UGT3A1: variants seen among roughly 807,000 people sequenced by gnomAD.
UGT3A1 encodes the protein UDP glycosyltransferase family 3 member A1.
UGT3A1 carries 40 observed loss-of-function variants against 37.6 expected under a neutral mutation model. The observed-to-expected ratio is 1.06, with a 90% CI of 0.83 to 1.38. UGT3A1 has a LOEUF of 1.38. Among genes scored for constraint, UGT3A1 ranks in the 40% most tolerant of loss-of-function variants. The pLI, the probability that UGT3A1 is intolerant of heterozygous loss-of-function variation, is 0.00. For synonymous variants in UGT3A1, 256 were observed against 232.3 expected (o/e 1.10, Z -0.93); for missense variants, 642 against 634.2 (o/e 1.01, Z -0.13).
rs970237890 is a variant in UGT3A1, at chr5:35,951,078, G to A, written c.*3124C>T. ...TATAGTAAAAGTACTGTGTTTAAAA[G>A]GTAATGATGCTAATTTTTTTCACTA... On this transcript the variant is annotated 3_prime_UTR_variant, in exon 7 of 7. Transcript: ENST00000274278. 8.6e-5 allele frequency: 13 copies of A among 151,710 alleles called. No homozygotes were observed. Among genetic ancestry groups the A allele is most frequent in the African/African-American group, 3.1e-4 (13 of 41,336 alleles). The allele number at this position is 151,710 out of a possible 1,614,324, so 9.4% of individuals were successfully genotyped here. A position where few individuals can be genotyped will look rare whatever the true frequency, so the allele number is the denominator to read the frequency against.
Position 35,954,479 on chromosome 5 carries a change from C to T in UGT3A1, c.1296-1G>A. The T allele has an allele frequency of 6.2e-7, 1 of 1,613,382 alleles. No homozygotes were observed. Among genetic ancestry groups the T allele is most frequent in the Non-Finnish European group, 8.5e-7 (1 of 1,179,402 alleles). Reference sequence around the variant, plus strand: ...GGCTGCCACCACTGCCGACTTGTACCTGTTGGCGGAGACAGAGAGGGTGTG... The same window carrying T: ...GGCTGCCACCACTGCCGACTTGTACTTGTTGGCGGAGACAGAGAGGGTGTG... On this transcript the variant is annotated splice_acceptor_variant, in intron 6 of 6. Transcript: ENST00000274278. LOFTEE classifies it high-confidence loss of function.
intron 2 of UGT3A1, among the ~76,000 whole-genome samples, chr5:35,977,823 C>T (rs999569592): frequency 3.9e-5 from 6 of 152,112 alleles, no homozygotes; most frequent in African/African-American, 1.4e-4. Flanking sequence ...ATCCCATTTA[C>T]GTAAAATTTA....
At chr5:35,974,351 A>C (rs1031333527) in intron 2 of UGT3A1, among the ~76,000 whole-genome samples, 1 of 152,222 alleles carries the variant, frequency 6.6e-6, no homozygotes, top group Non-Finnish European at 1.5e-5. Flanking sequence ...TATTGGCAGA[A>C]TAATCATGCT....
intron 4 of UGT3A1, chr5:35,961,163 C>G (rs567309921): frequency 6.6e-6 from 1 of 152,282 alleles, no homozygotes; most frequent in South Asian, 2.1e-4. Context: ...ATTTCTCTGT[C>G]TCCTAGCCGT....
At chr5:35,985,799 A>G (rs946604965) in intron 2 of UGT3A1, among the ~76,000 whole-genome samples, 2 of 152,224 alleles carry the variant, frequency 1.3e-5, no homozygotes, top group Non-Finnish European at 2.9e-5. Context: ...TGGTCTCAGC[A>G]AAGACTTTTT....
Position 35,953,983 on chromosome 5 carries a change from T to C in UGT3A1, c.*219A>G. On this transcript the variant is annotated 3_prime_UTR_variant, in exon 7 of 7. Coordinates refer to ENST00000274278, the MANE Select transcript of UGT3A1 (RefSeq NM_152404.4). ...AGGAGGCAGGGCTGGCAGGTGAAAATTTGTATCTGAGCTGGGGTTTCAAGT... is the reference window on the plus strand; with the variant it reads ...AGGAGGCAGGGCTGGCAGGTGAAAACTTGTATCTGAGCTGGGGTTTCAAGT... 1 of 523,438 alleles carries C rather than the reference T, an allele frequency of 1.9e-6. No homozygotes were observed. The highest frequency in any genetic ancestry group is 3.4e-6 in the Non-Finnish European group (1 of 297,896). The allele number at this position is 523,438 out of a possible 1,614,324, so 32.4% of individuals were successfully genotyped here.
chr5:35,959,949 C>A (rs531324092), intron 4 of UGT3A1, among the ~76,000 whole-genome samples: 130 of 152,150 alleles, frequency 8.5e-4, no homozygotes, highest in African/African-American at 3.0e-3. Flanking sequence ...ACAATTTCAA[C>A]AATAATATCA....
chr5:35,988,310 C>T (rs930757293), intron 2 of UGT3A1, 140 bp downstream of exon 2: 21 of 577,094 alleles, frequency 3.6e-5, no homozygotes, highest in Non-Finnish European at 5.1e-5. Flanking sequence ...TTAACATGAA[C>T]ACACATCCAC....
At chr5:35,971,232 A>G (rs1740022483) in intron 2 of UGT3A1, among the ~76,000 whole-genome samples, 1 of 152,238 alleles carries the variant, frequency 6.6e-6, no homozygotes, top group African/African-American at 2.4e-5. Flanking sequence ...CAAGACATAC[A>G]CAGGGTGCGC....
upstream of UGT3A1, among the ~76,000 whole-genome samples, chr5:35,992,407 G>C (rs1010742997): frequency 6.6e-6 from 1 of 152,002 alleles, no homozygotes; most frequent in Non-Finnish European, 1.5e-5. Context: ...AGGGAGAAGG[G>C]GAAAGAGAAG....
At chr5:35,983,105 C>T (rs1349323701) in intron 2 of UGT3A1, among the ~76,000 whole-genome samples, 5 of 151,840 alleles carry the variant, frequency 3.3e-5, no homozygotes, top group South Asian at 2.1e-4. Context: ...TCATAAATTA[C>T]GCAGTCTCAG....
chr5:35,988,695 C>T, intron 1 of UGT3A1, 144 bp from the exon 2 acceptor site: 1 of 622,212 alleles, frequency 1.6e-6, no homozygotes, highest in Non-Finnish European at 2.8e-6. Context: ...GAGATAAGCG[C>T]TTCCTGTTCC....
At chr5:35,994,963 C>T (rs12522806), upstream of UGT3A1, among the ~76,000 whole-genome samples, 1 of 152,032 alleles carries the variant, frequency 6.6e-6, no homozygotes, top group Admixed American at 6.6e-5. Context: ...TTTGATATGC[C>T]CAAATTAGTG....
rs555359957 is a variant in UGT3A1, at chr5:35,972,546, T to C, written c.197-4413A>G. Among the ~76,000 whole-genome samples the C allele has an allele frequency of 4.0e-5, 6 of 150,080 alleles. No individual in the cohort carries two copies. The South Asian group carries it at 1.3e-3, about 32-fold the overall frequency. On this transcript the variant is annotated intron_variant, in intron 2 of 6. Coordinates refer to ENST00000274278, the MANE Select transcript of UGT3A1 (RefSeq NM_152404.4). ...GTGTGTGTGTGTGTCCAATTGGTACTGTTTTTCTGATTTCCTAGGATTCTG... is the reference window on the plus strand; with the variant it reads ...GTGTGTGTGTGTGTCCAATTGGTACCGTTTTTCTGATTTCCTAGGATTCTG...
chr5:35,980,893 A>C (rs188050373), intron 2 of UGT3A1, among the ~76,000 whole-genome samples: 1 of 152,370 alleles, frequency 6.6e-6, no homozygotes, highest in Admixed American at 6.5e-5. Flanking sequence ...AGAAAAGCCC[A>C]GTGGCTGAAT....
intron 3 of UGT3A1, among the ~76,000 whole-genome samples, chr5:35,966,804 A>C (rs772198239): frequency 2.5e-4 from 38 of 152,212 alleles, no homozygotes; most frequent in Admixed American, 2.0e-3. Flanking sequence ...CCCAGACACC[A>C]TCATATCATG....
intron 2 of UGT3A1, among the ~76,000 whole-genome samples, chr5:35,987,632 T>C (rs981091143): frequency 3.9e-5 from 6 of 152,182 alleles, no homozygotes; most frequent in African/African-American, 1.4e-4. Context: ...GCATTAAAAC[T>C]ATCTAAACAT....
At chr5:35,956,507 C>T (rs1360335192) in intron 5 of UGT3A1, among the ~76,000 whole-genome samples, 1 of 152,198 alleles carries the variant, frequency 6.6e-6, no homozygotes, top group Non-Finnish European at 1.5e-5. Context: ...GAGCCATAAA[C>T]TTAGTTATGA....
In UGT3A1 at chr5:35,965,380, A is replaced by T. The variant is rs1166840035; in HGVS notation, c.843+6T>A. On this transcript the variant is annotated splice_donor_region_variant and intron_variant, in intron 4 of 6. Transcript: ENST00000274278. ...ATCCCAAACTGAATGCTGAGGGTTC[A>T]CTTACTTGTGGTACTGGTTTAATAG... The T allele has an allele frequency of 6.2e-7, 1 of 1,611,926 alleles. No individual in the cohort carries two copies. The highest frequency in any genetic ancestry group is 1.7e-5 in the Admixed American group (1 of 59,884).
Sources: gnomAD v4.1 joint callset for allele counts (sites outside exome capture counted in the v4.1 genomes callset) on GRCh38, gnomAD v4.1.1 for gene constraint, MANE v1.5 for transcripts, NCBI Gene and HGNC (gene_info 2026-07-23, HGNC 2026-07-21) for gene names.